The following AMOTL1 variants were observed in gnomAD, a reference collection of about 807,000 sequenced individuals.
AMOTL1 encodes the protein angiomotin-like protein 1.
In AMOTL1, 45 loss-of-function variants were observed where a neutral mutation model predicts 102.9. The ratio of observed to expected loss-of-function variants is 0.44; its 90% confidence interval spans 0.34 to 0.56. The LOEUF (loss-of-function observed/expected upper bound fraction) is 0.56, where lower values mean the gene tolerates loss of function less well. Among genes scored for constraint, AMOTL1 ranks in the 20% least tolerant of loss-of-function variants. AMOTL1 has a pLI of 0.01. For synonymous variants in AMOTL1, 481 were observed against 484.7 expected (o/e 0.99, Z 0.10); for missense variants, 1,114 against 1,225.6 (o/e 0.91, Z 1.36).
intron 3 of AMOTL1, among the ~76,000 whole-genome samples, chr11:94,818,866 A>C (rs541385742): frequency 6.6e-6 from 1 of 152,224 alleles, no homozygotes; most frequent in Non-Finnish European, 1.5e-5. Flanking sequence ...GAAGCTAGAC[A>C]ACTTAAGCTA....
At chr11:94,834,927 G>A (rs1456396283) in intron 6 of AMOTL1, among the ~76,000 whole-genome samples, 2 of 152,168 alleles carry the variant, frequency 1.3e-5, no homozygotes, top group Non-Finnish European at 2.9e-5. Flanking sequence ...AGAGTTTTAT[G>A]AAGGCCTTGG....
rs1379982401 is a variant in AMOTL1 at position 94,799,366 on chromosome 11, T to C, written c.200-24T>C. ...ATCTCCTGTGGAGCTGCCTGATATC[T>C]TTTTTCCTATGTTTATCTTTTAGTT... is the stretch of plus-strand genomic sequence containing the variant. On this transcript the variant is annotated intron_variant, in intron 2 of 12. Coordinates refer to ENST00000433060, the MANE Select transcript of AMOTL1 (RefSeq NM_130847.3). This position sits in a 1 kb window ranked among gnomAD's most constrained non-coding sequence, Gnocchi z 4.5. 1 of 1,526,362 alleles carries C rather than the reference T, an allele frequency of 6.6e-7. No homozygotes were observed. Among genetic ancestry groups the C allele is most frequent in the South Asian group, 1.2e-5 (1 of 80,208 alleles). 94.6% of individuals were successfully genotyped at this position (1,526,362 alleles called of 1,614,324 possible).
At chr11:94,797,057 C>T (rs1464013475) in intron 2 of AMOTL1, 20 of 979,488 alleles carry the variant, frequency 2.0e-5, no homozygotes, top group Non-Finnish European at 2.4e-5. Flanking sequence ...CTGGATGACT[C>T]ATATTTGAGA....
chr11:94,746,019 G>A (rs1950585819), intron 3 of AMOTL1, among the ~76,000 whole-genome samples: 1 of 152,148 alleles, frequency 6.6e-6, no homozygotes, highest in Non-Finnish European at 1.5e-5. Context: ...CCTCATGATT[G>A]ATAGTCCATT....
chr11:94,741,140 C>T (rs1340173841), intron 3 of AMOTL1, among the ~76,000 whole-genome samples: 1 of 151,842 alleles, frequency 6.6e-6, no homozygotes, highest in Non-Finnish European at 1.5e-5. Flanking sequence ...CCTTCGCGGC[C>T]GGAACCGGCC....
At chr11:94,737,793 G>A (rs1455037229) in intron 2 of AMOTL1, among the ~76,000 whole-genome samples, 2 of 152,230 alleles carry the variant, frequency 1.3e-5, no homozygotes, top group Middle Eastern at 3.2e-3. Flanking sequence ...AATTGGCAAT[G>A]GCAAAGCCAT....
At chr11:94,754,456 G>A (rs1401688246) in intron 3 of AMOTL1, among the ~76,000 whole-genome samples, 1 of 152,236 alleles carries the variant, frequency 6.6e-6, no homozygotes, top group Non-Finnish European at 1.5e-5. Context: ...TCCGAAGTGG[G>A]ACTGTAACCT....
chr11:94,731,471 A>G (rs185158825), intron 2 of AMOTL1, among the ~76,000 whole-genome samples: 7 of 152,326 alleles, frequency 4.6e-5, no homozygotes, highest in African/African-American at 1.7e-4. Context: ...GTCAGGTGCC[A>G]AAATGAGAAC....
In AMOTL1 at chr11:94,803,371, G is replaced by C. The variant is rs1033951624; in HGVS notation, c.1121+3060G>C. On this transcript the variant is annotated intron_variant, in intron 3 of 12. Coordinates refer to ENST00000433060, the MANE Select transcript of AMOTL1 (RefSeq NM_130847.3). ...CTCTGGGAGATGAGGCCTTGACCTC[G>C]TTGACTTGACCCACCTTGGCCCATG... Among the ~76,000 whole-genome samples the C allele has an allele frequency of 5.9e-5, 9 of 152,274 alleles. No individual in the cohort carries two copies. In the South Asian group the frequency reaches 1.9e-3, roughly 32 times the overall value.
At position 94,731,944 on chromosome 11, in the gene AMOTL1, TA is replaced by T. The variant is rs544591365; in HGVS notation, c.85+2892del. The stretch of plus-strand genomic sequence containing the variant: ...ACTAGCCCTGAGCAGGGCCAGAAAA[TA>T]AACAGTGCTGTTGTAACATGTGCAT... On this transcript the variant is annotated intron_variant, in intron 2 of 4. Transcript: ENST00000299004. Among the ~76,000 whole-genome samples the T allele has an allele frequency of 4.1e-3, 620 of 152,262 alleles. 3 individuals carry two copies. The highest frequency in any genetic ancestry group is 4.3e-3 in the Non-Finnish European group (292 of 68,004).
intron 3 of AMOTL1, among the ~76,000 whole-genome samples, chr11:94,802,540 A>G (rs576181299): frequency 3.7e-4 from 57 of 152,286 alleles, no homozygotes; most frequent in African/African-American, 1.3e-3. Context: ...GGAGGAGGGG[A>G]ACACTTTTGG....
intron 1 of AMOTL1, among the ~76,000 whole-genome samples, chr11:94,716,746 A>G (rs1228075915): frequency 6.6e-6 from 1 of 152,082 alleles, no homozygotes; most frequent in Non-Finnish European, 1.5e-5. Flanking sequence ...GATATGGGAT[A>G]GGTACCCTAC....
intron 1 of AMOTL1, among the ~76,000 whole-genome samples, chr11:94,775,320 G>A (rs1253567336): frequency 6.6e-6 from 1 of 152,178 alleles, no homozygotes; most frequent in Admixed American, 6.5e-5. Context: ...TGGATGGATG[G>A]TTAAGCTAGG....
intron 3 of AMOTL1, among the ~76,000 whole-genome samples, chr11:94,811,534 TG>T: frequency 6.7e-6 from 1 of 150,218 alleles, no homozygotes; most frequent in East Asian, 1.9e-4. Flanking sequence ...TTTTGCTGGC[TG>T]TCATTTTCCT....
chr11:94,827,449 A>G (rs1254158110), intron 4 of AMOTL1, among the ~76,000 whole-genome samples: 2 of 152,352 alleles, frequency 1.3e-5, no homozygotes, highest in South Asian at 2.1e-4. Flanking sequence ...GCCACCTTTT[A>G]TAGATAAAAT....
chr11:94,835,946 C>T (rs1460326240), intron 6 of AMOTL1, among the ~76,000 whole-genome samples: 1 of 152,116 alleles, frequency 6.6e-6, no homozygotes, highest in Non-Finnish European at 1.5e-5. Flanking sequence ...TGTGTTGGAC[C>T]ATATTGTTTT....
exon 2 of AMOTL1, chr11:94,729,001 G>A (rs904635448): frequency 5.4e-6 from 7 of 1,289,000 alleles, no homozygotes; most frequent in African/African-American, 1.5e-5. Context: ...GACTTTGGAG[G>A]AAGGAGCCTG....
chr11:94,850,603 G>T (rs901004916), intron 7 of AMOTL1, among the ~76,000 whole-genome samples: 2 of 152,210 alleles, frequency 1.3e-5, no homozygotes, highest in African/African-American at 4.8e-5. Context: ...TAAGTGTTAT[G>T]AGGTAGCCTT....
upstream of AMOTL1, among the ~76,000 whole-genome samples, chr11:94,765,695 C>T (rs1338995180): frequency 6.6e-6 from 1 of 152,174 alleles, no homozygotes; most frequent in Non-Finnish European, 1.5e-5. Context: ...GAATCTGTAG[C>T]ATTTGATAGA....
Sources: gnomAD v4.1 joint callset for allele counts (sites outside exome capture counted in the v4.1 genomes callset) on GRCh38, gnomAD v4.1.1 for gene constraint, Gnocchi (gnomAD v3.1) non-coding constraint, MANE v1.5 for transcripts, NCBI Gene and HGNC (gene_info 2026-07-23, HGNC 2026-07-21) for gene names.